Variants in KIAA0825 observed in about 807,000 individuals in gnomAD.
The protein encoded by KIAA0825 is uncharacterized protein KIAA0825.
KIAA0825 carries 119 observed loss-of-function variants against 147.6 expected under a neutral mutation model. That is an observed-to-expected ratio of 0.81 (90% CI 0.69 to 0.94). KIAA0825 has a LOEUF of 0.94. Among genes scored for constraint, KIAA0825 ranks in the 40% least tolerant of loss-of-function variants. The probability of loss-of-function intolerance (pLI) is 0.00; values close to 1 mark genes in which losing one functional copy is unlikely to be tolerated. For synonymous variants in KIAA0825, 470 were observed against 518.1 expected (o/e 0.91, Z 1.26); for missense variants, 1,381 against 1,472.7 (o/e 0.94, Z 1.02).
chr5:94,444,797 A>G (rs1338526247), intron 13 of KIAA0825, among the ~76,000 whole-genome samples: 4 of 152,094 alleles, frequency 2.6e-5, no homozygotes, highest in Admixed American at 6.6e-5. Context: ...AGGGAACCTA[A>G]CATAGGGAAT....
intron 20 of KIAA0825, among the ~76,000 whole-genome samples, chr5:94,307,333 G>A (rs1778808612): frequency 6.6e-6 from 1 of 151,522 alleles, no homozygotes; most frequent in Non-Finnish European, 1.5e-5. Context: ...TTTAGTTTTG[G>A]CTGCCTATAA....
At chr5:94,258,868 A>G (rs1776365044) in intron 20 of KIAA0825, among the ~76,000 whole-genome samples, 1 of 152,058 alleles carries the variant, frequency 6.6e-6, no homozygotes, top group Non-Finnish European at 1.5e-5. Flanking sequence ...TTGCATAAAA[A>G]TGAACCACTT....
intron 20 of KIAA0825, among the ~76,000 whole-genome samples, chr5:94,207,402 G>T (rs1254891263): frequency 6.6e-6 from 1 of 152,136 alleles, no homozygotes; most frequent in Non-Finnish European, 1.5e-5. Flanking sequence ...GCCCTGTCCT[G>T]GTTCTAGTCT....
intron 13 of KIAA0825, among the ~76,000 whole-genome samples, chr5:94,443,470 T>G (rs1757362537): frequency 1.3e-5 from 2 of 151,982 alleles, no homozygotes; most frequent in African/African-American, 4.8e-5. Flanking sequence ...CTCATAAATC[T>G]TGTACTAGGA....
chr5:94,435,350 T>A (rs11743705), intron 14 of KIAA0825, among the ~76,000 whole-genome samples: 2 of 146,622 alleles, frequency 1.4e-5, no homozygotes. Flanking sequence ...GTGTTCTCAT[T>A]GTTTAGCTCA....
chr5:94,505,120 G>A (rs1360549828), intron 5 of KIAA0825, among the ~76,000 whole-genome samples: 1 of 151,890 alleles, frequency 6.6e-6, no homozygotes, highest in Non-Finnish European at 1.5e-5. Flanking sequence ...AGCACTTTGG[G>A]AGGCTGAAGT....
intron 17 of KIAA0825, among the ~76,000 whole-genome samples, chr5:94,392,186 T>C (rs1749987521): frequency 6.6e-6 from 1 of 152,222 alleles, no homozygotes; most frequent in Non-Finnish European, 1.5e-5. Context: ...CCTATTATGC[T>C]AAATATAGGC....
chr5:94,277,054 A>G (rs569202265), intron 20 of KIAA0825, among the ~76,000 whole-genome samples: 4 of 152,108 alleles, frequency 2.6e-5, no homozygotes, highest in Non-Finnish European at 5.9e-5. Flanking sequence ...GTAAGTGTCT[A>G]ATTGTAGGGT....
rs183238418 is a variant in KIAA0825 at position 94,272,884 on chromosome 5, T to A, written c.3710+111484A>T. 2.0e-5 allele frequency among the ~76,000 whole-genome samples: 3 copies of A among 152,346 alleles called. No individual in the cohort carries two copies. In the East Asian group the frequency reaches 5.8e-4, roughly 29 times the overall value. ...GCTCAGTGTATGTATGGAACATAAT[T>A]CATAGGAAAAGGCCTCCTTCTGTCT... is the stretch of plus-strand genomic sequence containing the variant. On this transcript the variant is annotated intron_variant, in intron 20 of 20. Transcript: ENST00000682413.
intron 14 of KIAA0825, among the ~76,000 whole-genome samples, chr5:94,438,162 G>A (rs1385427895): frequency 6.6e-6 from 1 of 152,160 alleles, no homozygotes; most frequent in Non-Finnish European, 1.5e-5. Context: ...GGGACAGAAA[G>A]CTCTGGCTGG....
At chr5:94,263,028 TA>T (rs1776574740) in intron 20 of KIAA0825, among the ~76,000 whole-genome samples, 2 of 152,128 alleles carry the variant, frequency 1.3e-5, no homozygotes, top group African/African-American at 4.8e-5. Flanking sequence ...CATTGTCCTC[TA>T]TGAAGCTTGG....
chr5:94,614,045 C>T (rs1400497235), intron 1 of KIAA0825, among the ~76,000 whole-genome samples: 2 of 152,050 alleles, frequency 1.3e-5, no homozygotes, highest in Non-Finnish European at 2.9e-5. Flanking sequence ...CTTTATTGTA[C>T]TATTACTTAA....
rs1416448471 is a variant in KIAA0825 at position 94,327,541 on chromosome 5, A to C, written c.3710+56827T>G. ...AGAAAATTACATGTGCTATACAGTTATCTCTCATTTATACCAAGTCCCGGT... is the reference window on the plus strand; with the variant it reads ...AGAAAATTACATGTGCTATACAGTTCTCTCTCATTTATACCAAGTCCCGGT... On this transcript the variant is annotated intron_variant, in intron 20 of 20. Coordinates refer to ENST00000682413, the MANE Select transcript of KIAA0825 (RefSeq NM_001145678.3). 2.6e-5 allele frequency among the ~76,000 whole-genome samples: 4 copies of C among 152,258 alleles called. No homozygotes were observed. The East Asian group carries it at 7.7e-4, about 29-fold the overall frequency.
intron 5 of KIAA0825, among the ~76,000 whole-genome samples, chr5:94,486,979 G>T (rs1222473244): frequency 1.3e-5 from 2 of 152,072 alleles, no homozygotes; most frequent in Non-Finnish European, 2.9e-5. Context: ...TCTTTATCTG[G>T]CTCAATTCCA....
intron 20 of KIAA0825, among the ~76,000 whole-genome samples, chr5:94,296,991 A>T (rs1446656388): frequency 6.6e-6 from 1 of 152,194 alleles, no homozygotes; most frequent in Non-Finnish European, 1.5e-5. Context: ...TCTAAATTCT[A>T]AACAACTGCT....
At chr5:94,543,820 G>C (rs963924859) in intron 2 of KIAA0825, among the ~76,000 whole-genome samples, 1 of 152,108 alleles carries the variant, frequency 6.6e-6, no homozygotes, top group African/African-American at 2.4e-5. Context: ...AGTGACCCCG[G>C]TCATCCTCAC....
At chr5:94,364,387 T>G (rs1196960445) in intron 20 of KIAA0825, among the ~76,000 whole-genome samples, 2 of 151,644 alleles carry the variant, frequency 1.3e-5, no homozygotes, top group Non-Finnish European at 2.9e-5. Context: ...TTCATTTCTT[T>G]TCTTTTTTTT....
Position 94,607,753 on chromosome 5 carries a change from G to A in KIAA0825, c.-153+10747C>T, listed in dbSNP as rs1787761653. 1.3e-5 allele frequency among the ~76,000 whole-genome samples: 2 copies of A among 152,280 alleles called. 1 individual carries two copies. Among genetic ancestry groups the A allele is most frequent in the South Asian group, 4.1e-4 (2 of 4,830 alleles). Reference sequence around the variant, plus strand: ...TGTCTAGGTCAGAAGTCTGAAACAGGCCTCACAAAGCTAAGATCAAGTAGT... The same window carrying A: ...TGTCTAGGTCAGAAGTCTGAAACAGACCTCACAAAGCTAAGATCAAGTAGT... On this transcript the variant is annotated intron_variant, in intron 1 of 20. Transcript: ENST00000682413.
At chr5:94,585,493 T>A (rs1216921587) in intron 1 of KIAA0825, among the ~76,000 whole-genome samples, 1 of 152,176 alleles carries the variant, frequency 6.6e-6, no homozygotes, top group African/African-American at 2.4e-5. Context: ...GAGCTAACTA[T>A]CCTAAACATA....
Sources: allele counts gnomAD v4.1 joint callset (sites outside exome capture counted in the v4.1 genomes callset), GRCh38; gene constraint gnomAD v4.1.1; transcripts MANE v1.5; gene names NCBI Gene and HGNC (gene_info 2026-07-23, HGNC 2026-07-21).